TCF7L1: variants seen among roughly 807,000 people sequenced by gnomAD.
TCF7L1 encodes transcription factor 7 like 1, also known as transcription factor 7-like 1.
A neutral mutation model predicts 63.7 loss-of-function variants in TCF7L1; 18 were observed. The ratio of observed to expected loss-of-function variants is 0.28; its 90% confidence interval spans 0.20 to 0.42. The LOEUF (loss-of-function observed/expected upper bound fraction) is 0.42, where lower values mean the gene tolerates loss of function less well. TCF7L1 is among the 10% of genes least tolerant of loss of function. TCF7L1 has a pLI of 1.00. For missense variants in TCF7L1, 654 were observed against 779.3 expected, an observed-to-expected ratio of 0.84 and a Z score of 1.91; for synonymous variants, 355 against 340.9, an observed-to-expected ratio of 1.04 and a Z score of -0.46.
intron 3 of TCF7L1, among the ~76,000 whole-genome samples, chr2:85,189,292 T>C (rs560166765): frequency 6.6e-6 from 1 of 152,288 alleles, no homozygotes; most frequent in East Asian, 1.9e-4. Flanking sequence ...GCCGTGTCCT[T>C]TCGAGATCAT....
chr2:85,217,106 TGTTTAAGAC>T (rs1303374918), intron 3 of TCF7L1: 2 of 152,184 alleles, frequency 1.3e-5, no homozygotes, highest in Admixed American at 1.3e-4. Flanking sequence ...TATGAGGCAT[TGTTTAAGAC>T]ACCTCCTGCC....
intron 3 of TCF7L1, among the ~76,000 whole-genome samples, chr2:85,193,973 A>C (rs1012875603): frequency 3.9e-5 from 6 of 152,050 alleles, no homozygotes; most frequent in African/African-American, 1.4e-4. Flanking sequence ...AAGTTTAAAA[A>C]AAAAAAGGCC....
chr2:85,216,413 G>A (rs966428498), intron 3 of TCF7L1, among the ~76,000 whole-genome samples: 5 of 152,108 alleles, frequency 3.3e-5, no homozygotes, highest in East Asian at 1.9e-4. Flanking sequence ...TGGGAACCTC[G>A]CGCCCTGCTG....
chr2:85,265,067 T>C (rs986651431), intron 3 of TCF7L1, among the ~76,000 whole-genome samples: 2 of 152,152 alleles, frequency 1.3e-5, no homozygotes, highest in African/African-American at 2.4e-5. Context: ...GGGAGAACCA[T>C]GAACCTGGCA....
chr2:85,187,948 A>G (rs923824310), intron 3 of TCF7L1, among the ~76,000 whole-genome samples: 2 of 152,232 alleles, frequency 1.3e-5, no homozygotes, highest in Admixed American at 1.3e-4. Context: ...GGAATACAGC[A>G]ATAAAAAAGA....
chr2:85,188,032 A>G (rs1049736268), intron 3 of TCF7L1, among the ~76,000 whole-genome samples: 1 of 152,234 alleles, frequency 6.6e-6, no homozygotes, highest in Non-Finnish European at 1.5e-5. Flanking sequence ...GTCAGTCTCC[A>G]AAGGTTATAT....
chr2:85,147,076 GCAAT>G (rs1677896163), intron 3 of TCF7L1, among the ~76,000 whole-genome samples: 1 of 152,194 alleles, frequency 6.6e-6, no homozygotes, highest in Non-Finnish European at 1.5e-5. Flanking sequence ...AGATACACGG[GCAAT>G]CAATCTATTC....
intron 3 of TCF7L1, among the ~76,000 whole-genome samples, chr2:85,264,552 G>A (rs1028759895): frequency 1.7e-4 from 26 of 152,138 alleles, no homozygotes; most frequent in Admixed American, 3.9e-4. Context: ...ACCCAGTCTC[G>A]GTCCTCAAAC....
At chr2:85,288,678 G>A (rs1393439018) in intron 4 of TCF7L1, among the ~76,000 whole-genome samples, 4 of 152,114 alleles carry the variant, frequency 2.6e-5, no homozygotes, top group Non-Finnish European at 2.9e-5. Flanking sequence ...GCCCGGGTGC[G>A]GGATGAAGTT....
chr2:85,287,244 A>G (rs1214436720), intron 4 of TCF7L1, among the ~76,000 whole-genome samples: 1 of 152,158 alleles, frequency 6.6e-6, no homozygotes, highest in African/African-American at 2.4e-5. Context: ...CTTCCTGTAA[A>G]TCTTATCATT....
chr2:85,223,604 A>G, intron 3 of TCF7L1, among the ~76,000 whole-genome samples: 1 of 152,098 alleles, frequency 6.6e-6, no homozygotes, highest in East Asian at 1.9e-4. Context: ...AATGAGAAGG[A>G]GGATGAAGAA....
intron 3 of TCF7L1, among the ~76,000 whole-genome samples, chr2:85,162,767 C>T (rs1180159002): frequency 1.3e-5 from 2 of 152,170 alleles, no homozygotes; most frequent in African/African-American, 4.8e-5. Context: ...TGAGACTGAG[C>T]TTCTAGAAGT....
chr2:85,267,185 C>T (rs955973201), intron 3 of TCF7L1, among the ~76,000 whole-genome samples: 11 of 150,716 alleles, frequency 7.3e-5, no homozygotes, highest in Non-Finnish European at 1.6e-4. Flanking sequence ...TACAAAAATA[C>T]AAAAATTAGC....
At position 85,139,048 on chromosome 2, in the gene TCF7L1, G is replaced by A. The variant is rs74932914; in HGVS notation, c.441+4598G>A. 1.2e-4 allele frequency among the ~76,000 whole-genome samples: 18 copies of A among 150,262 alleles called. No individual in the cohort carries two copies. The East Asian group carries it at 2.9e-3, about 24-fold the overall frequency. Reference sequence around the variant, plus strand: ...TTTTTAGACAGGGTCTCACTCTGTCGCCCAGGCTGGAGTGTAGTGGTGTGA... The same window carrying A: ...TTTTTAGACAGGGTCTCACTCTGTCACCCAGGCTGGAGTGTAGTGGTGTGA... On this transcript the variant is annotated intron_variant, in intron 3 of 11. Transcript: ENST00000282111.
At chr2:85,145,029 G>A (rs186585699) in intron 3 of TCF7L1, among the ~76,000 whole-genome samples, 94 of 148,430 alleles carry the variant, frequency 6.3e-4, no homozygotes, top group Non-Finnish European at 1.1e-3. Context: ...AGGCTGCAGT[G>A]AGCCAAGACT....
chr2:85,147,352 C>T (rs889805684), intron 3 of TCF7L1, among the ~76,000 whole-genome samples: 1 of 152,092 alleles, frequency 6.6e-6, no homozygotes, highest in African/African-American at 2.4e-5. Context: ...TCCATACAAC[C>T]CGAACTAGGG....
At position 85,309,232 on chromosome 2, in the gene TCF7L1, G is replaced by T. The variant is rs763053162; in HGVS notation, c.1537G>T (p.Ala513Ser). Residue 513 changes from alanine (A) to serine (S), a missense_variant, in exon 12 of 12, where the codon GCC becomes TCC. Around this residue, in one of 3 missense-constraint regions of TCF7L1, gnomAD observed 184 missense variants for 204.0 expected, o/e 0.90. Coordinates refer to ENST00000282111, the MANE Select transcript of TCF7L1 (RefSeq NM_031283.3). ...CCTCACCACCAAACCAGAAACCCGG[G>T]CCCAGCTGGCTCTCCACTCTGCCGC... is the stretch of plus-strand genomic sequence containing the variant. ...LSLTTKPETR[A>S]QLALHSAAFL... 1.9e-6 allele frequency: 3 copies of T among 1,614,000 alleles called. No individual in the cohort carries two copies. The highest frequency in any genetic ancestry group is 2.5e-6 in the Non-Finnish European group (3 of 1,180,012).
rs150354869 is a variant in TCF7L1, at chr2:85,260,160, G to T, written c.442-23335G>T. ...AGGCAAACACTGCTTCATCCACAAT[G>T]TTACAGTAACATCAGCAAGAAGAAA... On this transcript the variant is annotated intron_variant, in intron 3 of 11. Coordinates refer to ENST00000282111, the MANE Select transcript of TCF7L1 (RefSeq NM_031283.3). 3.2e-4 allele frequency among the ~76,000 whole-genome samples: 48 copies of T among 152,286 alleles called. 1 individual carries two copies. In the East Asian group the frequency reaches 8.9e-3, roughly 28 times the overall value.
At chr2:85,219,442 C>T (rs1306639210) in intron 3 of TCF7L1, among the ~76,000 whole-genome samples, 1 of 152,044 alleles carries the variant, frequency 6.6e-6, no homozygotes, top group Non-Finnish European at 1.5e-5. Flanking sequence ...GCATTGTTTA[C>T]AGTAGCATAA....
Sources: allele counts gnomAD v4.1 joint callset (sites outside exome capture counted in the v4.1 genomes callset), GRCh38; gene constraint gnomAD v4.1.1; regional missense constraint gnomAD v4.1.1; transcripts MANE v1.5; gene names NCBI Gene and HGNC (gene_info 2026-07-23, HGNC 2026-07-21).